DNMT3A: variants seen among roughly 807,000 people sequenced by gnomAD.
DNMT3A encodes the protein DNA (cytosine-5)-methyltransferase 3A.
In DNMT3A, 267 loss-of-function variants were observed where a neutral mutation model predicts 117.6. The observed-to-expected ratio is 2.27, with a 90% CI of 2.05 to 2.51. DNMT3A has a LOEUF of 2.51. DNMT3A is among the 30% of genes most tolerant of loss of function. The pLI is 0.00. For synonymous variants in DNMT3A, 432 were observed against 474.8 expected, an observed-to-expected ratio of 0.91 and a Z score of 1.17; for missense variants, 1,029 against 1,260.2, an observed-to-expected ratio of 0.82 and a Z score of 2.78.
chr2:25,229,577 G>A lies in DNMT3A; in HGVS notation c.*4702C>T, dbSNP rs1391371736. 1 of 152,302 alleles carries A rather than the reference G, an allele frequency of 6.6e-6. No individual in the cohort carries two copies. The highest frequency in any genetic ancestry group is 1.9e-4 in the East Asian group (1 of 5,194). 9.4% of individuals were successfully genotyped at this position (152,302 alleles called of 1,614,324 possible). A position where few individuals can be genotyped will look rare whatever the true frequency, so the allele number is the denominator to read the frequency against. ...CTGGCTAGAAACTCGGTTCCCACCA[G>A]AATGTTGGCTCTGCCGTGCTCCCGA... is the stretch of plus-strand genomic sequence containing the variant. On this transcript the variant is annotated 3_prime_UTR_variant, in exon 23 of 23. Transcript: ENST00000321117.
chr2:25,240,595 C>G (rs202044245), intron 18 of DNMT3A, 45 bp downstream of exon 18: 1 of 1,609,804 alleles, frequency 6.2e-7, no homozygotes, highest in East Asian at 2.2e-5. Context: ...AGCCTATGTG[C>G]GGAAGCACCA....
Position 25,296,169 on chromosome 2 carries a change from G to A in DNMT3A, c.177+3970C>T, listed in dbSNP as rs936145711. Among the ~76,000 whole-genome samples the A allele has an allele frequency of 2.0e-5, 3 of 152,154 alleles. No homozygotes were observed. Among genetic ancestry groups the A allele is most frequent in the East Asian group, 1.9e-4 (1 of 5,192 alleles). On this transcript the variant is annotated intron_variant, in intron 3 of 22. Transcript: ENST00000321117. The surrounding 1 kb of genome is among the most constrained non-coding windows in gnomAD (Gnocchi z 4.2). ...CCACTGCAGTCCCATGTGTGTGATC[G>A]GTGGGCTTGGAACTTGTCTTTATCA...
chr2:25,277,544 C>G (rs2149370543), intron 4 of DNMT3A, among the ~76,000 whole-genome samples: 1 of 152,302 alleles, frequency 6.6e-6, no homozygotes, highest in Admixed American at 6.5e-5. Flanking sequence ...AGTGGAGGAC[C>G]CCCGGGCTGG....
At chr2:25,307,459 C>CTTTTT (rs35144977) in intron 2 of DNMT3A, among the ~76,000 whole-genome samples, 40 of 79,094 alleles carry the variant, frequency 5.1e-4, no homozygotes, top group Non-Finnish European at 6.0e-4. Flanking sequence ...CACACCGCAG[C>CTTTTT]TTTTTTTTTT....
rs1251105887 is a variant in DNMT3A at position 25,313,959 on chromosome 2, G to A, written c.26C>T (p.Pro9Leu). 2 of 1,549,312 alleles carry A rather than the reference G, an allele frequency of 1.3e-6. No individual in the cohort carries two copies. The highest frequency in any genetic ancestry group is 1.4e-5 in the African/African-American group (1 of 73,302). The change falls in exon 2 of 23, where the codon CCC (proline) becomes CTC (leucine). Residue 9 changes from proline (P) to leucine (L), a missense_variant. By Grantham distance (98) the Pro-to-Leu change is moderately conservative. Coordinates refer to ENST00000321117, the MANE Select transcript of DNMT3A (RefSeq NM_022552.5). ...CGCAGCAGAGCTGCTGGTGTCCCCG[G>A]GGCCGCTGGAGGGCATGGCGGGCAT... MPAMPSSG[P>L]GDTSSSAAER...
intron 6 of DNMT3A, among the ~76,000 whole-genome samples, chr2:25,259,022 C>G (rs943738315): frequency 2.2e-4 from 33 of 152,202 alleles, no homozygotes; most frequent in African/African-American, 7.7e-4. Flanking sequence ...CCTTCTCTCC[C>G]CACCTCTATC....
chr2:25,234,474 C>G lies in DNMT3A; in HGVS notation c.2598-54G>C. 1 of 1,565,142 alleles carries G rather than the reference C, an allele frequency of 6.4e-7. No homozygotes were observed. The highest frequency in any genetic ancestry group is 1.2e-5 in the South Asian group (1 of 84,068). ...GTGAGTGCTGGCCAGACCAGGCTGC[C>G]CGGAAGCCGTCTAACCACACAGCAG... On this transcript the variant is annotated intron_variant, in intron 22 of 22. Transcript: ENST00000321117. This position sits in a 1 kb window ranked among gnomAD's most constrained non-coding sequence, Gnocchi z 4.5.
chr2:25,304,112 C>T lies in DNMT3A; in HGVS notation c.73-3869G>A, dbSNP rs1380365299. Among the ~76,000 whole-genome samples, 1 of 152,148 alleles carries T rather than the reference C, an allele frequency of 6.6e-6. No individual in the cohort carries two copies. Among genetic ancestry groups the T allele is most frequent in the East Asian group, 1.9e-4 (1 of 5,198 alleles). The stretch of plus-strand genomic sequence containing the variant: ...AACAGATTTGAGCCCAGGTTGGTTT[C>T]CTCATCTGTCAAGCCAGGGGACTGA... On this transcript the variant is annotated intron_variant, in intron 2 of 22. Transcript: ENST00000321117. This position sits in a 1 kb window ranked among gnomAD's most constrained non-coding sequence, Gnocchi z 4.3.
chr2:25,286,417 C>G lies in DNMT3A; in HGVS notation c.178-3706G>C, dbSNP rs1247198480. 6.6e-6 allele frequency among the ~76,000 whole-genome samples: 1 copy of G among 152,242 alleles called. No individual in the cohort carries two copies. The highest frequency in any genetic ancestry group is 2.4e-5 in the African/African-American group (1 of 41,462). On this transcript the variant is annotated intron_variant, in intron 3 of 22. Coordinates refer to ENST00000321117, the MANE Select transcript of DNMT3A (RefSeq NM_022552.5). This position sits in a 1 kb window ranked among gnomAD's most constrained non-coding sequence, Gnocchi z 4.3. The stretch of plus-strand genomic sequence containing the variant: ...GGGGCATGTTGCACATTTCCAGCCC[C>G]GGGTTAGCTCACCCGCTGAAATCCC...
intron 1 of DNMT3A, among the ~76,000 whole-genome samples, chr2:25,332,375 C>T (rs966805213): frequency 3.9e-5 from 6 of 152,206 alleles, no homozygotes; most frequent in Admixed American, 3.9e-4. Flanking sequence ...CTTCTCTCCC[C>T]CTGAATCCGA....
chr2:25,279,637 C>T (rs897987638), intron 4 of DNMT3A, among the ~76,000 whole-genome samples: 3 of 152,120 alleles, frequency 2.0e-5, no homozygotes, highest in Admixed American at 6.5e-5. Context: ...ATCTATACTT[C>T]CTGGATAGCT....
rs538669211 is a variant in DNMT3A, at chr2:25,234,306, C to T, written c.2712G>A (p.Pro904=). Residue 904 remains proline (P), a synonymous_variant, in exon 23 of 23, where the codon CCG becomes CCA. Transcript: ENST00000321117. The surrounding 1 kb of genome is among the most constrained non-coding windows in gnomAD (Gnocchi z 4.5). ...ACACACACGCAAAATACTCCTTCAG[C>T]GGAGCGAAGAGGTGGCGGATGACTG... ...SVPVIRHLFA[P]LKEYFACV The T allele has an allele frequency of 2.0e-5, 33 of 1,613,942 alleles. No homozygotes were observed. In the Admixed American group the frequency reaches 3.0e-4, roughly 15 times the overall value.
At chr2:25,268,229 C>A (rs2030540920) in intron 6 of DNMT3A, among the ~76,000 whole-genome samples, 1 of 152,112 alleles carries the variant, frequency 6.6e-6, no homozygotes, top group South Asian at 2.1e-4. Context: ...GTCAAGGGTC[C>A]CTACCTTCAG....
chr2:25,246,703 AC>A lies in DNMT3A; in HGVS notation c.1195del (p.Val399TrpfsTer8). The A allele has an allele frequency of 6.2e-7, 1 of 1,613,694 alleles. No homozygotes were observed. ...DSDESDTAKA[V>X]EVQNKPMIEW... ...AATCATGGGCTTGTTCTGCACCTCC[AC>A]GGCCTTGGCAGTGTCACTCTCATCG... On this transcript the variant is annotated frameshift_variant, in exon 10 of 23. Transcript: ENST00000321117. LOFTEE classifies it high-confidence loss of function.
At chr2:25,318,511 C>A (rs2034468403) in intron 1 of DNMT3A, among the ~76,000 whole-genome samples, 1 of 152,058 alleles carries the variant, frequency 6.6e-6, no homozygotes, top group Admixed American at 6.5e-5. Flanking sequence ...GTCTTGAACT[C>A]CTGACCTCAA....
At chr2:25,336,241 G>A (rs1472566587) in intron 1 of DNMT3A, among the ~76,000 whole-genome samples, 2 of 152,252 alleles carry the variant, frequency 1.3e-5, no homozygotes, top group Admixed American at 6.5e-5. Flanking sequence ...CAGCGTGTGT[G>A]TTGGGGGACA....
Position 25,237,025 on chromosome 2 carries a change from CTG to C in DNMT3A, c.2409-22_2409-21del. On this transcript the variant is annotated intron_variant, in intron 20 of 22. Transcript: ENST00000321117. The surrounding 1 kb of genome is among the most constrained non-coding windows in gnomAD (Gnocchi z 5.4). ...AACGGCCTAGGAGGCAGAAGAGAGA[CTG>C]TAACAACAGAAACCTGGATAACAGC... is the stretch of plus-strand genomic sequence containing the variant. 6.2e-7 allele frequency: 1 copy of C among 1,612,884 alleles called. No homozygotes were observed. The highest frequency in any genetic ancestry group is 8.5e-7 in the Non-Finnish European group (1 of 1,179,684).
chr2:25,242,129 A>T, intron 16 of DNMT3A: 1 of 194,080 alleles, frequency 5.2e-6, no homozygotes, highest in Non-Finnish European at 1.0e-5. Flanking sequence ...AAGGTTTCAT[A>T]AATGCCCTGC....
chr2:25,299,021 T>C (rs939101668), intron 3 of DNMT3A, among the ~76,000 whole-genome samples: 1 of 150,836 alleles, frequency 6.6e-6, no homozygotes, highest in African/African-American at 2.4e-5. Context: ...CTGGGCTCCA[T>C]GCCTGCTGAG....
Sources: gnomAD v4.1 joint callset for allele counts (sites outside exome capture counted in the v4.1 genomes callset) on GRCh38, gnomAD v4.1.1 for gene constraint, Gnocchi (gnomAD v3.1) non-coding constraint, MANE v1.5 for transcripts, NCBI Gene and HGNC (gene_info 2026-07-23, HGNC 2026-07-21) for gene names.